Variants in PRKCA observed in about 807,000 individuals in gnomAD.
PRKCA encodes the protein protein kinase C alpha type.
PRKCA carries 27 observed loss-of-function variants against 87.0 expected under a neutral mutation model. The observed-to-expected ratio is 0.31, with a 90% CI of 0.23 to 0.43. PRKCA has a LOEUF of 0.43. Among genes scored for constraint, PRKCA ranks in the 20% least tolerant of loss-of-function variants. The probability of loss-of-function intolerance (pLI) is 1.00; values close to 1 mark genes in which losing one functional copy is unlikely to be tolerated. For synonymous variants in PRKCA, 329 were observed against 311.1 expected, an observed-to-expected ratio of 1.06 and a Z score of -0.61; for missense variants, 518 against 852.3, an observed-to-expected ratio of 0.61 and a Z score of 4.88.
intron 4 of PRKCA, among the ~76,000 whole-genome samples, chr17:66,643,196 C>T (rs925882050): frequency 1.3e-5 from 2 of 152,304 alleles, no homozygotes; most frequent in Middle Eastern, 3.4e-3. Context: ...GTTACATACT[C>T]AACCTTCACT....
chr17:66,634,093 A>C (rs926737360), intron 3 of PRKCA, among the ~76,000 whole-genome samples: 1 of 152,246 alleles, frequency 6.6e-6, no homozygotes, highest in Non-Finnish European at 1.5e-5. Flanking sequence ...ATCTTGGTAG[A>C]AATGTTGAGA....
intron 3 of PRKCA, among the ~76,000 whole-genome samples, chr17:66,571,589 C>A (rs7223101): frequency 0.47 from 71,842 of 151,818 alleles, 17,615 homozygotes; most frequent in African/African-American, 0.61. Flanking sequence ...GGGAAAAAAA[C>A]CCCATGTTTT....
intron 2 of PRKCA, among the ~76,000 whole-genome samples, chr17:66,480,579 G>C (rs963860098): frequency 1.3e-5 from 2 of 152,228 alleles, no homozygotes; most frequent in African/African-American, 4.8e-5. Context: ...CTGCATTATG[G>C]TGGCCTCAGA....
intron 2 of PRKCA, among the ~76,000 whole-genome samples, chr17:66,423,818 T>G (rs977291549): frequency 7.0e-6 from 1 of 142,088 alleles, no homozygotes; most frequent in African/African-American, 2.5e-5. Context: ...CCGAATGTGT[T>G]TAAGAATTCA....
chr17:66,659,351 GA>G (rs11310118), intron 5 of PRKCA, among the ~76,000 whole-genome samples: 1,862 of 152,210 alleles, frequency 0.012, 45 homozygotes, highest in African/African-American at 0.042. Context: ...TTGAAGGGAA[GA>G]AAATAGGGTA....
chr17:66,801,216 G>A (rs926687399), intron 16 of PRKCA, among the ~76,000 whole-genome samples: 1 of 152,192 alleles, frequency 6.6e-6, no homozygotes. Flanking sequence ...TCACACAGTA[G>A]TCTTGTTATA....
chr17:66,632,164 T>G (rs190146251), intron 3 of PRKCA, among the ~76,000 whole-genome samples: 1 of 152,300 alleles, frequency 6.6e-6, no homozygotes, highest in Non-Finnish European at 1.5e-5. Context: ...ATATAGCCAG[T>G]GTATTCAGCT....
intron 8 of PRKCA, among the ~76,000 whole-genome samples, chr17:66,718,572 C>G (rs1391695516): frequency 2.0e-5 from 3 of 152,202 alleles, no homozygotes; most frequent in African/African-American, 7.2e-5. Context: ...TCTGCCTCAG[C>G]CTTTCAAAAA....
At chr17:66,309,741 CT>C (rs1158027053) in intron 2 of PRKCA, among the ~76,000 whole-genome samples, 2 of 152,182 alleles carry the variant, frequency 1.3e-5, no homozygotes, top group Non-Finnish European at 2.9e-5. Context: ...TGATGTACCC[CT>C]AGCACTCATT....
At chr17:66,638,551 TA>T (rs1971206613) in intron 3 of PRKCA, among the ~76,000 whole-genome samples, 1 of 152,166 alleles carries the variant, frequency 6.6e-6, no homozygotes, top group African/African-American at 2.4e-5. Flanking sequence ...ATGATTGAAC[TA>T]TTTCAGAATT....
chr17:66,739,990 G>T (rs1042884909), intron 11 of PRKCA, among the ~76,000 whole-genome samples: 1 of 152,136 alleles, frequency 6.6e-6, no homozygotes. Flanking sequence ...GCTGTAGTTA[G>T]GGCTAGACCT....
chr17:66,593,369 G>A (rs1027507272), intron 3 of PRKCA, among the ~76,000 whole-genome samples: 1 of 152,196 alleles, frequency 6.6e-6, no homozygotes, highest in African/African-American at 2.4e-5. Flanking sequence ...GCTACTGTGT[G>A]TGCATGGAAG....
chr17:66,358,661 C>T (rs183848959), intron 2 of PRKCA, among the ~76,000 whole-genome samples: 6 of 151,990 alleles, frequency 3.9e-5, no homozygotes, highest in Admixed American at 6.6e-5. Flanking sequence ...ACAAAACATG[C>T]GTCAGTACCT....
chr17:66,591,851 C>A (rs1023041203), intron 3 of PRKCA, among the ~76,000 whole-genome samples: 2 of 152,024 alleles, frequency 1.3e-5, no homozygotes, highest in Admixed American at 6.6e-5. Flanking sequence ...CTAAACATAA[C>A]CATGTTGAGA....
intron 2 of PRKCA, among the ~76,000 whole-genome samples, chr17:66,478,374 C>T (rs190533765): frequency 2.6e-5 from 4 of 152,274 alleles, no homozygotes; most frequent in South Asian, 2.1e-4. Flanking sequence ...CCTGCCTCAG[C>T]CTCCCGAGTT....
chr17:66,723,257 C>T (rs1357760549), intron 8 of PRKCA, among the ~76,000 whole-genome samples: 3 of 152,228 alleles, frequency 2.0e-5, no homozygotes, highest in Non-Finnish European at 2.9e-5. Flanking sequence ...TGTACAGTCA[C>T]GGAGCAGGTG....
chr17:66,765,303 C>T (rs945919813), intron 13 of PRKCA, among the ~76,000 whole-genome samples: 23 of 151,006 alleles, frequency 1.5e-4, no homozygotes, highest in African/African-American at 5.6e-4. Flanking sequence ...ATCCCAGCTA[C>T]TCGGGAGACT....
chr17:66,337,484 G>A (rs113367510), intron 2 of PRKCA, among the ~76,000 whole-genome samples: 5,419 of 152,198 alleles, frequency 0.036, 119 homozygotes, highest in African/African-American at 0.069. Flanking sequence ...CGACCTCTCA[G>A]GCTCAAGTGA....
At chr17:66,508,032 G>A (rs532045953) in intron 3 of PRKCA, among the ~76,000 whole-genome samples, 1 of 152,166 alleles carries the variant, frequency 6.6e-6, no homozygotes, top group Non-Finnish European at 1.5e-5. Flanking sequence ...TTTACAAAGG[G>A]ATCATGAGCC....
Sources: allele counts gnomAD v4.1 joint callset (sites outside exome capture counted in the v4.1 genomes callset), GRCh38; gene constraint gnomAD v4.1.1; transcripts MANE v1.5; gene names NCBI Gene and HGNC (gene_info 2026-07-23, HGNC 2026-07-21).